BCL7C: variants seen among roughly 807,000 people sequenced by gnomAD.
BCL7C encodes B-cell CLL/lymphoma 7 protein family member C.
A neutral mutation model predicts 26.2 loss-of-function variants in BCL7C; 8 were observed. That is an observed-to-expected ratio of 0.30 (90% CI 0.18 to 0.55). BCL7C has a LOEUF of 0.55. Ranked by LOEUF, BCL7C falls within the 20% of genes least tolerant of loss-of-function variation. The pLI, the probability that BCL7C is intolerant of heterozygous loss-of-function variation, is 0.93. For missense variants in BCL7C, 262 were observed against 298.5 expected, an observed-to-expected ratio of 0.88 and a Z score of 0.90; for synonymous variants, 90 against 116.5, an observed-to-expected ratio of 0.77 and a Z score of 1.47.
chr16:30,863,294 C>A (rs1178776871), intron 5 of BCL7C, among the ~76,000 whole-genome samples: 1 of 152,210 alleles, frequency 6.6e-6, no homozygotes. Context: ...TTCACTACTT[C>A]TCAGCAAGCC....
chr16:30,865,164 C>T (rs1413439827), intron 5 of BCL7C, among the ~76,000 whole-genome samples: 1 of 142,974 alleles, frequency 7.0e-6, no homozygotes, highest in African/African-American at 2.6e-5. Context: ...GGAGCAAGAC[C>T]TCCAACTCAA....
intron 5 of BCL7C, among the ~76,000 whole-genome samples, chr16:30,877,564 C>T (rs1043676065): frequency 6.6e-6 from 1 of 151,956 alleles, no homozygotes; most frequent in African/African-American, 2.4e-5. Context: ...CTCAGCCTCC[C>T]GAGTAGCTGG....
At chr16:30,880,199 A>G (rs2055021465) in intron 5 of BCL7C, among the ~76,000 whole-genome samples, 1 of 151,860 alleles carries the variant, frequency 6.6e-6, no homozygotes, top group South Asian at 2.1e-4. Context: ...AACAACAACA[A>G]AAAGGCTGTG....
At chr16:30,844,210 C>T (rs2054619816) in intron 5 of BCL7C, among the ~76,000 whole-genome samples, 1 of 151,180 alleles carries the variant, frequency 6.6e-6, no homozygotes, top group Non-Finnish European at 1.5e-5. Flanking sequence ...ATTAGCTGGG[C>T]GTGGTGGTGC....
intron 5 of BCL7C, chr16:30,875,254 C>T (rs1268749538): frequency 1.3e-5 from 2 of 154,604 alleles, no homozygotes. Flanking sequence ...CGAGGCCACG[C>T]GACATATCCC....
chr16:30,868,134 T>TA (rs1438619454), intron 5 of BCL7C, among the ~76,000 whole-genome samples: 2 of 149,310 alleles, frequency 1.3e-5, no homozygotes, highest in Non-Finnish European at 1.5e-5. Context: ...TGTGGGTTTT[T>TA]TTTTTTTTTT....
chr16:30,849,714 G>T (rs957077680), intron 5 of BCL7C, among the ~76,000 whole-genome samples: 9 of 151,302 alleles, frequency 5.9e-5, no homozygotes, highest in African/African-American at 1.9e-4. Flanking sequence ...GCCTCCCAAA[G>T]TGTTGGGATT....
intron 5 of BCL7C, among the ~76,000 whole-genome samples, chr16:30,861,476 C>T (rs144394566): frequency 8.3e-4 from 126 of 152,298 alleles, no homozygotes; most frequent in African/African-American, 1.3e-3. Context: ...GCCCACAGCC[C>T]GGGATTCCTC....
intron 4 of BCL7C, among the ~76,000 whole-genome samples, chr16:30,890,278 C>T (rs2055205966): frequency 6.6e-6 from 1 of 152,002 alleles, no homozygotes; most frequent in Non-Finnish European, 1.5e-5. Flanking sequence ...GCCTGTAATC[C>T]CAGCTACTCA....
intron 4 of BCL7C, among the ~76,000 whole-genome samples, chr16:30,889,488 GT>G (rs1220890434): frequency 6.6e-6 from 1 of 152,052 alleles, no homozygotes; most frequent in Non-Finnish European, 1.5e-5. Context: ...CTTTTTGTGT[GT>G]TTGTTTGTTT....
intron 5 of BCL7C, among the ~76,000 whole-genome samples, chr16:30,866,596 G>C (rs529673097): frequency 1.3e-5 from 2 of 151,006 alleles, no homozygotes; most frequent in African/African-American, 4.9e-5. Flanking sequence ...AAAAGGTGGG[G>C]GGGTGGGAAT....
At chr16:30,854,705 T>A (rs12920857) in intron 5 of BCL7C, among the ~76,000 whole-genome samples, 71,996 of 134,140 alleles carry the variant, frequency 0.54, 21,617 homozygotes, top group East Asian at 0.91. Flanking sequence ...ACCACTCACT[T>A]TCTTTTTTTT....
chr16:30,855,581 A>G (rs2054713599), intron 5 of BCL7C, among the ~76,000 whole-genome samples: 1 of 152,084 alleles, frequency 6.6e-6, no homozygotes. Context: ...ATTGCCTTCA[A>G]TGAAGCAGAT....
intron 5 of BCL7C, among the ~76,000 whole-genome samples, chr16:30,871,852 C>G (rs2054885097): frequency 6.6e-6 from 1 of 152,040 alleles, no homozygotes; most frequent in Non-Finnish European, 1.5e-5. Flanking sequence ...AGATTCTCAC[C>G]TAAGTTGAGT....
downstream of BCL7C, among the ~76,000 whole-genome samples, chr16:30,886,816 G>A (rs527676369): frequency 2.0e-5 from 3 of 152,314 alleles, no homozygotes; most frequent in African/African-American, 7.2e-5. Flanking sequence ...CTTCTTCAGG[G>A]CAGGGAATGG....
At chr16:30,857,280 C>T (rs945530994) in intron 5 of BCL7C, among the ~76,000 whole-genome samples, 10 of 150,790 alleles carry the variant, frequency 6.6e-5, no homozygotes, top group South Asian at 2.1e-4. Flanking sequence ...CCCAGCTACC[C>T]GGGAGGCTGA....
chr16:30,846,817 G>A (rs1459873975), intron 5 of BCL7C, among the ~76,000 whole-genome samples: 3 of 152,194 alleles, frequency 2.0e-5, no homozygotes, highest in African/African-American at 7.2e-5. Context: ...TCCTTGCCTT[G>A]GGAAGTGGGA....
Position 30,893,889 on chromosome 16 carries a change from T to C in BCL7C, c.56A>G (p.Lys19Arg). Reference sequence around the variant, plus strand: ...CTTCTCGATGGTCGCCATCACCTTCTTGATGTCATCCTTGGCCCGGCTCCG... The same window carrying C: ...CTTCTCGATGGTCGCCATCACCTTCCTGATGTCATCCTTGGCCCGGCTCCG... ...ETRSRAKDDI[K>R]KVMATIEKVR... Residue 19 changes from lysine to arginine, a missense_variant, in exon 1 of 6, where the codon AAG becomes AGG. Coordinates refer to ENST00000215115, the MANE Select transcript of BCL7C (RefSeq NM_004765.4). This position sits in a 1 kb window ranked among gnomAD's most constrained non-coding sequence, Gnocchi z 5.2. 6.3e-7 allele frequency: 1 copy of C among 1,596,956 alleles called. No individual in the cohort carries two copies. Among genetic ancestry groups the C allele is most frequent in the Non-Finnish European group, 8.5e-7 (1 of 1,177,026 alleles).
intron 5 of BCL7C, among the ~76,000 whole-genome samples, chr16:30,877,104 G>A (rs2054961067): frequency 6.6e-6 from 1 of 152,098 alleles, no homozygotes. Flanking sequence ...GGAACACCAG[G>A]GAGCGGTAGG....
Sources: gnomAD v4.1 joint callset for allele counts (sites outside exome capture counted in the v4.1 genomes callset) on GRCh38, gnomAD v4.1.1 for gene constraint, Gnocchi (gnomAD v3.1) non-coding constraint, MANE v1.5 for transcripts, NCBI Gene and HGNC (gene_info 2026-07-23, HGNC 2026-07-21) for gene names.